Variants in TSPAN18 observed in about 807,000 individuals in gnomAD.
TSPAN18 encodes tetraspanin-18.
In TSPAN18, 14 loss-of-function variants were observed where a neutral mutation model predicts 27.3. The ratio of observed to expected loss-of-function variants is 0.51; its 90% CI spans 0.34 to 0.80. TSPAN18 has a LOEUF of 0.80. Ranked by LOEUF, TSPAN18 falls within the 30% of genes least tolerant of loss-of-function variation. The pLI, the probability that TSPAN18 is intolerant of heterozygous loss-of-function variation, is 0.01. For synonymous variants in TSPAN18, 143 were observed against 136.5 expected (o/e 1.05, Z -0.33); for missense variants, 268 against 323.9 (o/e 0.83, Z 1.32).
At chr11:44,880,285 T>C (rs1043945456) in intron 3 of TSPAN18, among the ~76,000 whole-genome samples, 3 of 152,218 alleles carry the variant, frequency 2.0e-5, no homozygotes, top group African/African-American at 7.2e-5. Flanking sequence ...CAGGCAGCCT[T>C]GGTGCCAGGT....
intron 1 of TSPAN18, among the ~76,000 whole-genome samples, chr11:44,741,051 G>C (rs1379860204): frequency 6.6e-6 from 1 of 152,156 alleles, no homozygotes; most frequent in Non-Finnish European, 1.5e-5. Flanking sequence ...TAACTCCAGA[G>C]CCTCTGGGTC....
At chr11:44,810,753 A>G (rs1187147976) in intron 2 of TSPAN18, among the ~76,000 whole-genome samples, 1 of 151,808 alleles carries the variant, frequency 6.6e-6, no homozygotes, top group Non-Finnish European at 1.5e-5. Context: ...CTGCAGGCAC[A>G]TGCCACCACA....
chr11:44,920,188 A>T (rs574149443), intron 8 of TSPAN18, among the ~76,000 whole-genome samples, 189 bp downstream of exon 8: 3 of 152,176 alleles, frequency 2.0e-5, no homozygotes, highest in Non-Finnish European at 4.4e-5. Context: ...AGCCCCTGAG[A>T]TCCAACCAAA....
At chr11:44,782,358 A>G (rs1855957481) in intron 2 of TSPAN18, among the ~76,000 whole-genome samples, 1 of 152,094 alleles carries the variant, frequency 6.6e-6, no homozygotes, top group Admixed American at 6.5e-5. Flanking sequence ...CCTGGCCAAC[A>G]TGGTGAAACC....
At chr11:44,864,695 A>T (rs1857988600) in intron 3 of TSPAN18, among the ~76,000 whole-genome samples, 1 of 152,224 alleles carries the variant, frequency 6.6e-6, no homozygotes, top group Non-Finnish European at 1.5e-5. Context: ...GCATCAGGAA[A>T]ACTAAGTGTT....
chr11:44,854,641 G>A (rs890610322), intron 2 of TSPAN18, among the ~76,000 whole-genome samples: 10 of 152,182 alleles, frequency 6.6e-5, no homozygotes, highest in African/African-American at 2.4e-4. Context: ...TACCAGCACA[G>A]CACACCCATT....
intron 2 of TSPAN18, among the ~76,000 whole-genome samples, chr11:44,803,595 C>A (rs1303909535): frequency 6.6e-6 from 1 of 152,140 alleles, no homozygotes; most frequent in Non-Finnish European, 1.5e-5. Flanking sequence ...AACAAGTTGT[C>A]TACTGCAAGG....
At chr11:44,880,982 G>A (rs1394797144) in intron 3 of TSPAN18, among the ~76,000 whole-genome samples, 2 of 152,236 alleles carry the variant, frequency 1.3e-5, no homozygotes, top group African/African-American at 2.4e-5. Context: ...TGTAGCAGGC[G>A]TGGGACTCCT....
intron 3 of TSPAN18, among the ~76,000 whole-genome samples, chr11:44,881,867 C>A (rs2135260864): frequency 6.6e-6 from 1 of 152,338 alleles, no homozygotes; most frequent in Non-Finnish European, 1.5e-5. Context: ...TTTACCTTGG[C>A]AAACCTGATA....
chr11:44,832,219 G>A (rs991680644), intron 2 of TSPAN18, among the ~76,000 whole-genome samples: 4 of 152,170 alleles, frequency 2.6e-5, no homozygotes, highest in Admixed American at 2.6e-4. Flanking sequence ...CAGTGTGTGG[G>A]ATGTGAAGCC....
chr11:44,919,697 G>A (rs1860050987), intron 7 of TSPAN18, 120 bp from the exon 8 acceptor site: 1 of 1,001,722 alleles, frequency 1.0e-6, no homozygotes, highest in African/African-American at 1.6e-5. Context: ...GTGACAGGTG[G>A]AGCCCGCCCA....
Position 44,930,841 on chromosome 11 carries a change from C to T in TSPAN18, c.*1663C>T, listed in dbSNP as rs371016151. 2.0e-6 allele frequency: 1 copy of T among 502,810 alleles called. No homozygotes were observed. The highest frequency in any genetic ancestry group is 4.1e-6 in the Non-Finnish European group (1 of 244,240). 31.1% of individuals were successfully genotyped at this position (502,810 alleles called of 1,614,324 possible). A position where few individuals can be genotyped will look rare whatever the true frequency, so the allele number is the denominator to read the frequency against. Reference sequence around the variant, plus strand: ...AGCAGTGTGATGTCTGCTCTCTTCTCTCCCCTCTGTCCCTCTTCAGGAAGA... The same window carrying T: ...AGCAGTGTGATGTCTGCTCTCTTCTTTCCCCTCTGTCCCTCTTCAGGAAGA... On this transcript the variant is annotated 3_prime_UTR_variant, in exon 10 of 10. Transcript: ENST00000520358.
chr11:44,780,634 T>C (rs756385501), intron 2 of TSPAN18, among the ~76,000 whole-genome samples: 1 of 152,252 alleles, frequency 6.6e-6, no homozygotes, highest in Non-Finnish European at 1.5e-5. Context: ...CGGACTTTGA[T>C]GCTTGCTTTT....
At chr11:44,902,903 C>T (rs182651543) in intron 3 of TSPAN18, among the ~76,000 whole-genome samples, 1 of 152,288 alleles carries the variant, frequency 6.6e-6, no homozygotes, top group Non-Finnish European at 1.5e-5. Context: ...CACTTTCTAG[C>T]TGTTGGAGGC....
At chr11:44,925,980 G>A (rs74549139) in intron 8 of TSPAN18, among the ~76,000 whole-genome samples, 2,912 of 152,142 alleles carry the variant, frequency 0.019, 120 homozygotes, top group East Asian at 0.14. Context: ...TCTCGATCTC[G>A]ATCTCTGTCT....
At chr11:44,834,002 G>A (rs1023504789) in intron 2 of TSPAN18, among the ~76,000 whole-genome samples, 7 of 151,150 alleles carry the variant, frequency 4.6e-5, no homozygotes, top group African/African-American at 1.2e-4. Context: ...TTATAATGGC[G>A]GCTTCCTAGA....
chr11:44,925,520 G>A (rs1590704654), intron 8 of TSPAN18, among the ~76,000 whole-genome samples: 1 of 152,206 alleles, frequency 6.6e-6, no homozygotes, highest in African/African-American at 2.4e-5. Context: ...ATCAGGCCCT[G>A]CTGTCCACCT....
At chr11:44,866,932 G>A (rs1023069852) in intron 3 of TSPAN18, among the ~76,000 whole-genome samples, 2 of 151,722 alleles carry the variant, frequency 1.3e-5, no homozygotes, top group African/African-American at 4.8e-5. Flanking sequence ...GGGAAAAAAA[G>A]TCTCAAGACA....
chr11:44,831,115 A>AAAC (rs1051249162), intron 2 of TSPAN18, among the ~76,000 whole-genome samples: 5 of 152,150 alleles, frequency 3.3e-5, no homozygotes, highest in African/African-American at 9.7e-5. Context: ...TCTGTCTCAA[A>AAAC]AACAACAACA....
Sources: gnomAD v4.1 joint callset for allele counts (sites outside exome capture counted in the v4.1 genomes callset) on GRCh38, gnomAD v4.1.1 for gene constraint, MANE v1.5 for transcripts, NCBI Gene and HGNC (gene_info 2026-07-23, HGNC 2026-07-21) for gene names.